SFI1: variants seen among roughly 807,000 people sequenced by gnomAD.
SFI1 encodes the protein SFI1 centrin binding protein, also known as protein SFI1 homolog.
A neutral mutation model predicts 207.5 loss-of-function variants in SFI1; 195 were observed. The observed-to-expected ratio is 0.94, with a 90% CI of 0.84 to 1.06. The LOEUF is 1.06. SFI1 is among the 50% of genes least tolerant of loss of function. SFI1 has a pLI of 0.00. For missense variants in SFI1, 1,634 were observed against 1,588.0 expected, an observed-to-expected ratio of 1.03 and a Z score of -0.49; for synonymous variants, 630 against 598.9, an observed-to-expected ratio of 1.05 and a Z score of -0.76.
intron 15 of SFI1, among the ~76,000 whole-genome samples, chr22:31,592,923 T>A (rs1418516386): frequency 3.4e-5 from 3 of 89,066 alleles, no homozygotes; most frequent in African/African-American, 5.0e-5. Flanking sequence ...CACTTCCCAG[T>A]AGGGGCGGCC....
rs757808231 is a variant in SFI1, at chr22:31,602,281, G to C, written c.1614G>C (p.Leu538=). 1 of 1,613,974 alleles carries C rather than the reference G, an allele frequency of 6.2e-7. No individual in the cohort carries two copies. The highest frequency in any genetic ancestry group is 8.5e-7 in the Non-Finnish European group (1 of 1,179,940). Residue 538 remains leucine (L), a synonymous_variant, in exon 16 of 33, where the codon CTG becomes CTC. Transcript: ENST00000400288. ...QKMFQHRENR[L]AERMAILHAE... ...TGTTTCAGCATCGAGAAAACCGCCT[G>C]GCAGAGAGAATGGTAAATGGCTGTC...
chr22:31,501,868 T>A (rs2053836086), intron 1 of SFI1, among the ~76,000 whole-genome samples: 1 of 152,074 alleles, frequency 6.6e-6, no homozygotes, highest in Non-Finnish European at 1.5e-5. Context: ...CCTATGTGGG[T>A]TTTTGCCGGA....
chr22:31,498,271 G>A (rs940150666), intron 1 of SFI1, among the ~76,000 whole-genome samples: 2 of 122,266 alleles, frequency 1.6e-5, no homozygotes, highest in Non-Finnish European at 3.7e-5. Context: ...CTCCAGCCTG[G>A]GCGACAGAGT....
chr22:31,567,305 A>C (rs1456251115), intron 8 of SFI1, among the ~76,000 whole-genome samples: 2 of 152,220 alleles, frequency 1.3e-5, no homozygotes, highest in East Asian at 3.8e-4. Flanking sequence ...GATATATCTC[A>C]TAATATATTG....
At chr22:31,587,528 G>C (rs564808185) in intron 14 of SFI1, 1 of 171,464 alleles carries the variant, frequency 5.8e-6, no homozygotes, top group East Asian at 1.5e-4. Flanking sequence ...ACCCAGGCTG[G>C]TCTCAAACTC....
chr22:31,566,894 C>G (rs1217945308), intron 8 of SFI1, among the ~76,000 whole-genome samples: 2 of 152,110 alleles, frequency 1.3e-5, no homozygotes, highest in Non-Finnish European at 2.9e-5. Context: ...AGTTCTATAA[C>G]AAAGCCTATT....
chr22:31,550,160 C>T, intron 5 of SFI1, 94 bp from the exon 6 acceptor site: 1 of 858,104 alleles, frequency 1.2e-6, no homozygotes, highest in East Asian at 2.5e-5. Flanking sequence ...AACTCCTTGC[C>T]TTGGCCTCCC....
rs183555289 is a variant in SFI1 at position 31,600,039 on chromosome 22, A to T, written c.1545-2173A>T. ...CCCCCAACCAGTGGTACTTTTTGTC[A>T]TACATTTTATGTCTAACGATTGATT... On this transcript the variant is annotated intron_variant, in intron 15 of 32. Coordinates refer to ENST00000400288, the MANE Select transcript of SFI1 (RefSeq NM_001007467.3). 3.1e-3 allele frequency among the ~76,000 whole-genome samples: 477 copies of T among 151,860 alleles called. 6 individuals are homozygous for T. Among genetic ancestry groups the T allele is most frequent in the Non-Finnish European group, 5.0e-3 (341 of 67,946 alleles).
chr22:31,540,268 A>AT (rs529667771), intron 4 of SFI1, among the ~76,000 whole-genome samples: 1,668 of 147,762 alleles, frequency 0.011, 10 homozygotes, highest in Middle Eastern at 0.031. Flanking sequence ...ATTTTATTTT[A>AT]TTTATTTATT....
intron 1 of SFI1, among the ~76,000 whole-genome samples, chr22:31,500,025 C>T (rs1269926686): frequency 6.7e-5 from 10 of 150,038 alleles, no homozygotes; most frequent in East Asian, 3.9e-4. Context: ...CCACAGTTGC[C>T]GGATGCAGTA....
chr22:31,605,064 G>A (rs2236033), intron 20 of SFI1, 119 bp downstream of exon 20: 162,617 of 828,202 alleles, frequency 0.2, 17,763 homozygotes, highest in East Asian at 0.38. Flanking sequence ...GTTCCTAGTC[G>A]CTAATATCAT....
chr22:31,538,928 CT>C (rs1274268662), intron 4 of SFI1, among the ~76,000 whole-genome samples: 1 of 152,122 alleles, frequency 6.6e-6, no homozygotes, highest in Non-Finnish European at 1.5e-5. Flanking sequence ...AAACTCTGGA[CT>C]TTTACGTACG....
intron 15 of SFI1, among the ~76,000 whole-genome samples, chr22:31,600,100 C>A (rs1197663543): frequency 6.6e-6 from 1 of 152,006 alleles, no homozygotes; most frequent in Non-Finnish European, 1.5e-5. Flanking sequence ...GCTGCCCAGG[C>A]TGGTTTTGAA....
chr22:31,519,346 C>T (rs2056924850), intron 2 of SFI1, among the ~76,000 whole-genome samples: 1 of 151,086 alleles, frequency 6.6e-6, no homozygotes. Context: ...TCATAGCTCA[C>T]TGCAGCCTTG....
At position 31,613,528 on chromosome 22, in the gene SFI1, C is replaced by A; in HGVS notation, c.2740C>A (p.Gln914Lys). 1 of 1,587,396 alleles carries A rather than the reference C, an allele frequency of 6.3e-7. No individual in the cohort carries two copies. The highest frequency in any genetic ancestry group is 1.1e-5 in the South Asian group (1 of 89,302). ...GCAGCTGCAGGCCCAGCAGCAGGTC[C>A]AGGTAGGCCCAGGGCCCCTTCCTGT... is the stretch of plus-strand genomic sequence containing the variant. ...RQQLQAQQQV[Q>K]AAHSLHRAVR... Residue 914 changes from glutamine (Q) to lysine (K), a missense_variant and splice_region_variant, in exon 26 of 33, where the codon CAG becomes AAG. Coordinates refer to ENST00000400288, the MANE Select transcript of SFI1 (RefSeq NM_001007467.3).
intron 15 of SFI1, among the ~76,000 whole-genome samples, chr22:31,600,149 A>T (rs1429684054): frequency 1.3e-5 from 2 of 152,002 alleles, no homozygotes; most frequent in Admixed American, 6.6e-5. Context: ...CAGCCTCCTG[A>T]AGTGTTAGGA....
intron 27 of SFI1, chr22:31,614,508 C>T (rs1376193167): frequency 4.7e-6 from 3 of 633,316 alleles, no homozygotes; most frequent in South Asian, 4.5e-5. Context: ...GAGGCTGCTC[C>T]CCTGTGACAT....
intron 6 of SFI1, chr22:31,550,676 T>C: frequency 7.7e-6 from 2 of 261,346 alleles, no homozygotes; most frequent in Non-Finnish European, 1.5e-5. Flanking sequence ...TCTTGCTGCG[T>C]CAAGTTGCCC....
rs760921484 is a variant in SFI1, at chr22:31,618,323, C to T, written c.3634C>T (p.Gln1212Ter). The stretch of plus-strand genomic sequence containing the variant: ...CCCTCCATGGCCCCAGGTGGAAATG[C>T]AGATCCAGCTGCTGGCAGAGGAGCT... ...VQKELEQVEM[Q>*]IQLLAEELQA... The change falls in exon 33 of 33, where the codon CAG becomes TAG. Residue 1212 changes from glutamine to a stop codon, truncating the protein, a stop_gained. Coordinates refer to ENST00000400288, the MANE Select transcript of SFI1 (RefSeq NM_001007467.3). LOFTEE classifies it high-confidence loss of function. 1.2e-6 allele frequency: 2 copies of T among 1,609,678 alleles called. No individual in the cohort carries two copies. The highest frequency in any genetic ancestry group is 1.7e-6 in the Non-Finnish European group (2 of 1,177,216).
Sources: allele counts gnomAD v4.1 joint callset (sites outside exome capture counted in the v4.1 genomes callset), GRCh38; gene constraint gnomAD v4.1.1; transcripts MANE v1.5; gene names NCBI Gene and HGNC (gene_info 2026-07-23, HGNC 2026-07-21).